Variants in ABCB1 observed in about 807,000 individuals in gnomAD.
The protein encoded by ABCB1 is ATP binding cassette subfamily B member 1, also known as ATP-dependent translocase ABCB1.
A neutral mutation model predicts 142.0 loss-of-function variants in ABCB1; 69 were observed. The ratio of observed to expected loss-of-function variants is 0.49; its 90% CI spans 0.40 to 0.59. The LOEUF (loss-of-function observed/expected upper bound fraction) is 0.59, where lower values mean the gene tolerates loss of function less well. Ranked by LOEUF, ABCB1 falls within the 20% of genes least tolerant of loss-of-function variation. The pLI, the probability that ABCB1 is intolerant of heterozygous loss-of-function variation, is 0.00. For missense variants in ABCB1, 1,326 were observed against 1,554.7 expected (o/e 0.85, Z 2.47); for synonymous variants, 532 against 539.2 (o/e 0.99, Z 0.18).
At position 87,638,371 on chromosome 7, in the gene ABCB1, G is replaced by GTGTGTGTA. The variant is rs1554449113; in HGVS notation, c.-330-37294_-330-37293insTACACACA. Reference sequence around the variant, plus strand: ...TGTGTGTGTGTGTGTGTGTGTGTGTGTGTGTGTGTTTCCTCCCCTGTTCTG... The same window carrying GTGTGTGTA: ...TGTGTGTGTGTGTGTGTGTGTGTGTGTGTGTGTATGTGTGTGTTTCCTCCCCTGTTCTG... On this transcript the variant is annotated intron_variant, in intron 1 of 28. Coordinates refer to the ABCB1 transcript ENST00000265724. 7.0e-3 allele frequency among the ~76,000 whole-genome samples: 1,060 copies of GTGTGTGTA among 151,752 alleles called. 2 individuals carry two copies. Among genetic ancestry groups the GTGTGTGTA allele is most frequent in the Non-Finnish European group, 0.012 (838 of 67,884 alleles).
chr7:87,573,112 G>T (rs1447544427), intron 4 of ABCB1, among the ~76,000 whole-genome samples: 1 of 152,190 alleles, frequency 6.6e-6, no homozygotes, highest in Non-Finnish European at 1.5e-5. Context: ...AGTTCCACAT[G>T]GCTGGGGAGG....
intron 4 of ABCB1, among the ~76,000 whole-genome samples, chr7:87,570,484 G>A (rs1314224831): frequency 6.6e-6 from 1 of 152,162 alleles, no homozygotes; most frequent in Non-Finnish European, 1.5e-5. Context: ...TCTGTCAGCA[G>A]AAATATCAGT....
chr7:87,679,485 G>C (rs1826712728), intron 1 of ABCB1, among the ~76,000 whole-genome samples: 1 of 149,852 alleles, frequency 6.7e-6, no homozygotes, highest in Admixed American at 6.7e-5. Flanking sequence ...ACATCCCCAA[G>C]CTCAAATGAT....
intron 1 of ABCB1, among the ~76,000 whole-genome samples, chr7:87,679,745 T>C (rs1310871891): frequency 2.0e-5 from 3 of 150,132 alleles, no homozygotes; most frequent in African/African-American, 7.4e-5. Flanking sequence ...AGAATATATA[T>C]TCTTTTCGAG....
chr7:87,660,420 G>A (rs891720233), intron 1 of ABCB1, among the ~76,000 whole-genome samples: 1 of 151,972 alleles, frequency 6.6e-6, no homozygotes, highest in Non-Finnish European at 1.5e-5. Flanking sequence ...CCTTTAATGT[G>A]ACACTTAAAG....
At chr7:87,627,071 G>A (rs1025789357) in intron 1 of ABCB1, among the ~76,000 whole-genome samples, 2 of 152,114 alleles carry the variant, frequency 1.3e-5, no homozygotes, top group Non-Finnish European at 2.9e-5. Flanking sequence ...ACCGCGCCCA[G>A]CCCATATATT....
chr7:87,531,625 G>A, intron 20 of ABCB1, 128 bp from the exon 21 acceptor site: 2 of 839,646 alleles, frequency 2.4e-6, no homozygotes, highest in Non-Finnish European at 3.7e-6. Context: ...AAAAAGTAAA[G>A]GTCTACTTGT....
chr7:87,591,896 G>A (rs980507271), intron 3 of ABCB1, among the ~76,000 whole-genome samples: 6 of 152,160 alleles, frequency 3.9e-5, no homozygotes, highest in Non-Finnish European at 7.4e-5. Flanking sequence ...TAACTTTACA[G>A]GCGAGGGCAG....
At position 87,536,535 on chromosome 7, in the gene ABCB1, T is replaced by C; in HGVS notation, c.2404A>G (p.Ser802Gly). ...GTGTTTTTAGGGTCATCAAACCAAC[T>C]CACATCCTGTGGCACAGAAAATGAT... is the stretch of plus-strand genomic sequence containing the variant. ...VFRSMLRQDV[S>G]WFDDPKNTTG... Residue 802 changes from serine (S) to glycine (G), a missense_variant, in exon 20 of 28, where the codon AGT becomes GGT. Ser to Gly is a moderately conservative substitution (Grantham distance 56). Transcript: ENST00000622132. The C allele has an allele frequency of 6.2e-7, 1 of 1,613,842 alleles. No homozygotes were observed. The highest frequency in any genetic ancestry group is 8.5e-7 in the Non-Finnish European group (1 of 1,179,820).
At chr7:87,564,674 G>C (rs1345355308) in intron 7 of ABCB1, among the ~76,000 whole-genome samples, 1 of 152,176 alleles carries the variant, frequency 6.6e-6, no homozygotes, top group Non-Finnish European at 1.5e-5. Flanking sequence ...GACATCCAAA[G>C]AATTTAAGAA....
chr7:87,670,236 A>G (rs1389081767), intron 1 of ABCB1, among the ~76,000 whole-genome samples: 1 of 151,950 alleles, frequency 6.6e-6, no homozygotes, highest in East Asian at 1.9e-4. Context: ...AGGTGCTGAG[A>G]TTCTTTTGTT....
intron 1 of ABCB1, among the ~76,000 whole-genome samples, chr7:87,678,633 C>T (rs562028625): frequency 3.3e-5 from 5 of 152,010 alleles, no homozygotes; most frequent in Admixed American, 6.5e-5. Context: ...GGCCTAAGCA[C>T]TCCAATTAAA....
At chr7:87,709,654 T>C in intron 1 of ABCB1, 1 of 281,008 alleles carries the variant, frequency 3.6e-6, no homozygotes, top group Non-Finnish European at 5.4e-6. Context: ...GTGAATTCAC[T>C]AGACTTGCAG....
At chr7:87,527,174 A>T (rs1182627237) in intron 21 of ABCB1, among the ~76,000 whole-genome samples, 1 of 152,136 alleles carries the variant, frequency 6.6e-6, no homozygotes, top group East Asian at 1.9e-4. Context: ...AAAATTATCA[A>T]ACCATCCTTT....
chr7:87,588,230 T>A (rs1818845033), intron 3 of ABCB1, among the ~76,000 whole-genome samples: 1 of 152,146 alleles, frequency 6.6e-6, no homozygotes, highest in Non-Finnish European at 1.5e-5. Flanking sequence ...GTTTGTTACA[T>A]ACGTAAACTT....
chr7:87,544,166 T>C lies in ABCB1; in HGVS notation c.2174A>G (p.Gln725Arg), dbSNP rs755856690. 5 of 1,613,986 alleles carry C rather than the reference T, an allele frequency of 3.1e-6. No individual in the cohort carries two copies. The highest frequency in any genetic ancestry group is 4.2e-6 in the Non-Finnish European group (5 of 1,179,936). The change falls in exon 17 of 28, where the codon CAA becomes CGA. Residue 725 changes from glutamine (Q) to arginine (R), a missense_variant. By Grantham distance (43) the Gln-to-Arg change is conservative. Transcript: ENST00000622132. ...TGAAAATATTATTGCAAATGCTGGT[T>C]GCAGGCCTCCATTTATAATGGCACA... ...VFCAIINGGLQPAFAIIFSKI... is the reference protein window; with the variant it reads ...VFCAIINGGLRPAFAIIFSKI...
intron 21 of ABCB1, among the ~76,000 whole-genome samples, chr7:87,530,845 G>GC (rs57114923): frequency 6.7e-4 from 60 of 89,966 alleles, no homozygotes; most frequent in South Asian, 2.2e-3. Flanking sequence ...AAGCAAGAAA[G>GC]AAAGAAAGAA....
chr7:87,620,020 T>G (rs536430441), intron 1 of ABCB1, among the ~76,000 whole-genome samples: 2 of 152,290 alleles, frequency 1.3e-5, no homozygotes, highest in African/African-American at 2.4e-5. Flanking sequence ...TGAGGGAACA[T>G]TTTCTTAAAA....
At chr7:87,673,236 T>G (rs1316406950) in intron 1 of ABCB1, among the ~76,000 whole-genome samples, 1 of 152,222 alleles carries the variant, frequency 6.6e-6, no homozygotes. Context: ...CAGGATTCTC[T>G]GCATATCTTG....
Sources: gnomAD v4.1 joint callset for allele counts (sites outside exome capture counted in the v4.1 genomes callset) on GRCh38, gnomAD v4.1.1 for gene constraint, MANE v1.5 for transcripts, NCBI Gene and HGNC (gene_info 2026-07-23, HGNC 2026-07-21) for gene names.